NSMCE4A: variants seen among roughly 807,000 people sequenced by gnomAD.
NSMCE4A encodes NSE4A component of SMC5/6 complex, also known as non-structural maintenance of chromosomes element 4 homolog A.
In NSMCE4A, 40 loss-of-function variants were observed where a neutral mutation model predicts 47.9. The ratio of observed to expected loss-of-function variants is 0.83; its 90% CI spans 0.65 to 1.09. The LOEUF (loss-of-function observed/expected upper bound fraction) is 1.09, where lower values mean the gene tolerates loss of function less well. NSMCE4A is among the 50% of genes least tolerant of loss of function. The pLI, the probability that NSMCE4A is intolerant of heterozygous loss-of-function variation, is 0.00. For missense variants in NSMCE4A, 500 were observed against 507.0 expected (o/e 0.99, Z 0.13); for synonymous variants, 166 against 178.5 (o/e 0.93, Z 0.56).
chr10:121,972,849 A>C (rs1176430027), intron 2 of NSMCE4A, among the ~76,000 whole-genome samples: 1 of 152,182 alleles, frequency 6.6e-6, no homozygotes, highest in African/African-American at 2.4e-5. Context: ...TGGTCAAAGA[A>C]ATTGGAGAGC....
At chr10:121,970,511 C>T (rs1318679376) in intron 3 of NSMCE4A, among the ~76,000 whole-genome samples, 4 of 146,280 alleles carry the variant, frequency 2.7e-5, no homozygotes, top group African/African-American at 7.5e-5. Context: ...AAAACCCAAT[C>T]ATATTCACAT....
rs185679356 is a variant in NSMCE4A, at chr10:121,971,568, G to A, written c.371-499C>T. Among the ~76,000 whole-genome samples the A allele has an allele frequency of 3.0e-4, 46 of 152,234 alleles. 1 individual carries two copies. In the East Asian group the frequency reaches 8.5e-3, roughly 28 times the overall value. On this transcript the variant is annotated intron_variant, in intron 2 of 10. Transcript: ENST00000369023. ...TGCCCAACTCACCAAAATCTCTAAT[G>A]AAAGCTGACCAGTCTTCCTAAAAGC...
chr10:121,964,028 G>A (rs1158209122), intron 5 of NSMCE4A, among the ~76,000 whole-genome samples: 26 of 146,958 alleles, frequency 1.8e-4, no homozygotes, highest in African/African-American at 2.5e-4. Context: ...CCCAGCAGGC[G>A]GAGGTTGCAG....
At chr10:121,966,175 G>A (rs1020563377) in intron 4 of NSMCE4A, 1 of 152,198 alleles carries the variant, frequency 6.6e-6, no homozygotes, top group Non-Finnish European at 1.5e-5. Flanking sequence ...GAACACTTGG[G>A]CAGAGATATC....
intron 1 of NSMCE4A, chr10:121,974,544 T>C (rs1952779842): frequency 2.0e-6 from 2 of 1,014,102 alleles, no homozygotes; most frequent in South Asian, 4.6e-5. Context: ...CGCCGAGGAC[T>C]GCCGGGCGCA....
chr10:121,961,785 A>T, intron 6 of NSMCE4A: 1 of 347,686 alleles, frequency 2.9e-6, no homozygotes, highest in South Asian at 5.4e-5. Flanking sequence ...TCAGCAATTT[A>T]TACAAGAGTA....
At position 121,974,573 on chromosome 10, in the gene NSMCE4A, C is replaced by T. The variant is rs148130668; in HGVS notation, c.292+301G>A. The T allele has an allele frequency of 5.6e-4, 579 of 1,029,170 alleles. 14 individuals carry two copies. In the East Asian group the frequency reaches 0.042, roughly 75 times the overall value. The allele number at this position is 1,029,170 out of a possible 1,614,324, so 63.8% of individuals were successfully genotyped here. On this transcript the variant is annotated intron_variant, in intron 1 of 10. Transcript: ENST00000369023. ...GGGCGCAATCAAAGCACGCGGAGTC[C>T]GCGTCCTGCCTCTCCCCACTGGCTG...
chr10:121,963,259 G>C lies in NSMCE4A; in HGVS notation c.823C>G (p.Gln275Glu). The change falls in exon 6 of 11, where the codon CAG becomes GAG. Residue 275 changes from glutamine to glutamate, a missense_variant. Coordinates refer to ENST00000369023, the MANE Select transcript of NSMCE4A (RefSeq NM_017615.3). ...TTACGATCTTCTCGAAAATATGTCT[G>C]CAACAATCCCAAGATTCTTTCTACT... ...KEVERILGLL[Q>E]TYFREDPDTP... 6.2e-7 allele frequency: 1 copy of C among 1,609,208 alleles called. No homozygotes were observed. The highest frequency in any genetic ancestry group is 1.1e-5 in the South Asian group (1 of 90,958).
At chr10:121,971,169 C>CAAA in intron 2 of NSMCE4A, 100 bp from the exon 3 acceptor site, 1 of 498,992 alleles carries the variant, frequency 2.0e-6, no homozygotes, top group Non-Finnish European at 2.8e-6. Context: ...TCCCACTGGA[C>CAAA]TAAAAAAAAA....
intron 6 of NSMCE4A, among the ~76,000 whole-genome samples, chr10:121,962,502 G>C (rs913472248): frequency 6.6e-6 from 1 of 151,868 alleles, no homozygotes. Flanking sequence ...ATGGGAATCA[G>C]TGAACAAAAC....
chr10:121,966,503 T>C (rs892635888), intron 4 of NSMCE4A: 2 of 152,172 alleles, frequency 1.3e-5, no homozygotes, highest in South Asian at 2.1e-4. Context: ...ATGAAGAAGT[T>C]TGGACTACAT....
At chr10:121,959,923 G>A (rs967440484) in intron 8 of NSMCE4A, 14 of 360,638 alleles carry the variant, frequency 3.9e-5, no homozygotes, top group African/African-American at 2.3e-4. Flanking sequence ...AAGTAAGTGC[G>A]ATGGAAATAT....
At chr10:121,957,429 CTTTTTTT>C (rs34808169) in intron 10 of NSMCE4A, among the ~76,000 whole-genome samples, 170 bp from the exon 11 acceptor site, 43 of 98,358 alleles carry the variant, frequency 4.4e-4, no homozygotes, top group African/African-American at 1.4e-3. Flanking sequence ...CTTCTTTTTT[CTTTTTTT>C]TTTTTTTTTT....
Position 121,975,123 on chromosome 10 carries a change from G to A in NSMCE4A, c.43C>T (p.Arg15Trp), listed in dbSNP as rs972815519. ...SSGRGPEGRG[R>W]GRDPHRDRTR... is the part of the protein sequence containing the mutation. ...CGATCCCGATGCGGGTCGCGGCCCC[G>A]GCCCCGGCCCTCTGGCCCGCGGCCG... The change falls in exon 1 of 11, where the codon CGG becomes TGG. Residue 15 changes from arginine (R) to tryptophan (W), a missense_variant. Physicochemically the swap from Arg to Trp is moderately radical, Grantham distance 101. Coordinates refer to ENST00000369023, the MANE Select transcript of NSMCE4A (RefSeq NM_017615.3). 4.2e-6 allele frequency: 6 copies of A among 1,419,908 alleles called. No individual in the cohort carries two copies. Among genetic ancestry groups the A allele is most frequent in the African/African-American group, 1.5e-5 (1 of 65,874 alleles). 88.0% of individuals were successfully genotyped at this position (1,419,908 alleles called of 1,614,324 possible).
intron 2 of NSMCE4A, among the ~76,000 whole-genome samples, chr10:121,971,956 C>T (rs11200296): frequency 0.14 from 20,545 of 151,994 alleles, 1,603 homozygotes; most frequent in Middle Eastern, 0.18. Context: ...GACCCGAGGA[C>T]GGATACTCAA....
intron 6 of NSMCE4A, chr10:121,961,765 A>G (rs1952502745): frequency 5.2e-6 from 2 of 384,600 alleles, no homozygotes; most frequent in East Asian, 9.6e-5. Flanking sequence ...ACATACTAAG[A>G]TTTTTTACTT....
intron 6 of NSMCE4A, among the ~76,000 whole-genome samples, chr10:121,962,765 A>G (rs1743370742): frequency 6.6e-6 from 1 of 151,994 alleles, no homozygotes. Flanking sequence ...GGAATGCACT[A>G]CCACACCCGG....
At chr10:121,968,059 A>G (rs1349996556) in intron 3 of NSMCE4A, among the ~76,000 whole-genome samples, 1 of 152,244 alleles carries the variant, frequency 6.6e-6, no homozygotes, top group Admixed American at 6.5e-5. Context: ...GAAATGATTT[A>G]GACCAGTGGT....
At position 121,974,084 on chromosome 10, in the gene NSMCE4A, A is replaced by AT; in HGVS notation, c.293-4dup. On this transcript the variant is annotated splice_region_variant and splice_polypyrimidine_tract_variant and intron_variant, in intron 1 of 10. Transcript: ENST00000369023. ...ATTCAGTATGTCCTCACGGTTTTCT[A>AT]TTTTTAAAAATACAAACTTTGGGAA... 6.3e-7 allele frequency: 1 copy of AT among 1,594,170 alleles called. No homozygotes were observed. The highest frequency in any genetic ancestry group is 8.6e-7 in the Non-Finnish European group (1 of 1,167,436).
Sources: gnomAD v4.1 joint callset for allele counts (sites outside exome capture counted in the v4.1 genomes callset) on GRCh38, gnomAD v4.1.1 for gene constraint, MANE v1.5 for transcripts, NCBI Gene and HGNC (gene_info 2026-07-23, HGNC 2026-07-21) for gene names.